The following TRANK1 variants were observed in gnomAD, a reference collection of about 807,000 sequenced individuals.
The protein encoded by TRANK1 is TPR and ankyrin repeat-containing protein 1.
Under a neutral mutation model 266.0 loss-of-function variants are expected in TRANK1, and 198 were observed. The observed-to-expected ratio is 0.74, with a 90% CI of 0.66 to 0.84. TRANK1 has a LOEUF of 0.84. TRANK1 is among the 40% of genes least tolerant of loss of function. The pLI is 0.00. For synonymous variants in TRANK1, 1,396 were observed against 1,384.1 expected, an observed-to-expected ratio of 1.01 and a Z score of -0.19; for missense variants, 3,326 against 3,634.6, an observed-to-expected ratio of 0.92 and a Z score of 2.18.
At chr3:36,910,845 G>A (rs536993903) in intron 1 of TRANK1, among the ~76,000 whole-genome samples, 8 of 151,264 alleles carry the variant, frequency 5.3e-5, no homozygotes, top group South Asian at 2.1e-4. Flanking sequence ...TGAGGCGGGC[G>A]GATCACCTGA....
intron 8 of TRANK1, among the ~76,000 whole-genome samples, chr3:36,879,860 A>ATATGTAAATATACAAG (rs1575250224): frequency 9.2e-6 from 1 of 108,390 alleles, no homozygotes; most frequent in East Asian, 3.6e-4. Context: ...AAATATACAA[A>ATATGTAAATATACAAG]TATATGTAAA....
In TRANK1 at chr3:36,944,911, A is replaced by G. The variant is rs1339730327; in HGVS notation, c.-102T>C. On this transcript the variant is annotated 5_prime_UTR_variant, in exon 1 of 24. Transcript: ENST00000645898. ...AGTGCGGAAGCCCGAAAGCTACCGG[A>G]GCCCGGGGCAGGGGCGGCGCGATGC... The G allele has an allele frequency of 3.2e-6, 4 of 1,240,710 alleles. No homozygotes were observed. The Admixed American group carries it at 1.6e-4, about 51-fold the overall frequency. The allele number at this position is 1,240,710 out of a possible 1,614,324, so 76.9% of individuals were successfully genotyped here.
chr3:36,905,999 T>C (rs555057211), intron 2 of TRANK1, among the ~76,000 whole-genome samples: 1 of 152,244 alleles, frequency 6.6e-6, no homozygotes, highest in Non-Finnish European at 1.5e-5. Context: ...CCAGTAGGGG[T>C]CACACAGTAA....
Position 36,857,144 on chromosome 3 carries a change from T to A in TRANK1, c.2578A>T (p.Ile860Phe). The change falls in exon 13 of 24, where the codon ATC becomes TTC. Residue 860 changes from isoleucine (I) to phenylalanine (F), a missense_variant. Physicochemically the swap from Ile to Phe is conservative, Grantham distance 21. Transcript: ENST00000645898. This position sits in a 1 kb window ranked among gnomAD's most constrained non-coding sequence, Gnocchi z 4.3. The stretch of plus-strand genomic sequence containing the variant: ...TTTCCCAGCTGCTGAATGGCAAGGA[T>A]GATTTTCTTCTTGATGACCTTGGTC... ...VMTKVIKKKIILAIQQLGNGE... is the reference protein window; with the variant it reads ...VMTKVIKKKIFLAIQQLGNGE... 1 of 1,613,972 alleles carries A rather than the reference T, an allele frequency of 6.2e-7. No individual in the cohort carries two copies. The highest frequency in any genetic ancestry group is 8.5e-7 in the Non-Finnish European group (1 of 1,179,890).
intron 8 of TRANK1, among the ~76,000 whole-genome samples, chr3:36,887,812 G>A (rs2079628734): frequency 6.6e-6 from 1 of 152,160 alleles, no homozygotes; most frequent in Non-Finnish European, 1.5e-5. Context: ...CTGTCTTTGA[G>A]AAGGGACTAA....
At chr3:36,898,136 A>G (rs1463125575) in intron 4 of TRANK1, among the ~76,000 whole-genome samples, 2 of 152,200 alleles carry the variant, frequency 1.3e-5, no homozygotes, top group Admixed American at 6.5e-5. Context: ...TTTTCTCAAT[A>G]GACTGGAAAA....
intron 4 of TRANK1, among the ~76,000 whole-genome samples, chr3:36,896,355 G>T (rs2079789322): frequency 1.3e-5 from 2 of 152,166 alleles, no homozygotes; most frequent in African/African-American, 4.8e-5. Flanking sequence ...TGTCCAAGGG[G>T]ACAGGTCAAG....
chr3:36,845,987 A>G (rs1226688423), intron 17 of TRANK1, among the ~76,000 whole-genome samples: 3 of 152,194 alleles, frequency 2.0e-5, no homozygotes, highest in Non-Finnish European at 2.9e-5. Flanking sequence ...AAAAGGGCCT[A>G]TTTCCTCTAG....
At chr3:36,937,559 G>A (rs2125669948) in intron 1 of TRANK1, among the ~76,000 whole-genome samples, 1 of 152,282 alleles carries the variant, frequency 6.6e-6, no homozygotes, top group South Asian at 2.1e-4. Context: ...AGATTATTGG[G>A]AAAATCAGAA....
chr3:36,829,800 A>G, intron 22 of TRANK1, 138 bp from the exon 23 acceptor site: 1 of 828,198 alleles, frequency 1.2e-6, no homozygotes, highest in Non-Finnish European at 1.9e-6. Context: ...TTATCGGGTA[A>G]GGGACCCAAA....
intron 1 of TRANK1, among the ~76,000 whole-genome samples, chr3:36,931,240 A>AC (rs952698016): frequency 4.0e-5 from 6 of 151,008 alleles, no homozygotes; most frequent in Admixed American, 2.0e-4. Flanking sequence ...AAAGTGCAGC[A>AC]CCCCCCCAAA....
intron 1 of TRANK1, among the ~76,000 whole-genome samples, chr3:36,919,320 C>T (rs564502980): frequency 5.8e-4 from 89 of 152,320 alleles, no homozygotes; most frequent in African/African-American, 2.0e-3. Context: ...CTAAACCCAC[C>T]TTCTTCACCA....
rs2078689608 is a variant in TRANK1, at chr3:36,831,279, C to G, written c.8304G>C (p.Gln2768His). The G allele has an allele frequency of 6.2e-7, 1 of 1,613,444 alleles. No individual in the cohort carries two copies. The highest frequency in any genetic ancestry group is 1.3e-5 in the African/African-American group (1 of 75,044). ...TAAACTTCACTCCACATAGGTCACA[C>G]TGGGTCCTGTCCACGTCTGCCTTTT... is the stretch of plus-strand genomic sequence containing the variant. ...NFKKADVDRT[Q>H]CDLCGVKFTR... The change falls in exon 22 of 24, where the codon CAG becomes CAC. Residue 2768 changes from glutamine to histidine, a missense_variant. Coordinates refer to ENST00000645898, the MANE Select transcript of TRANK1 (RefSeq NM_001329998.2). This position sits in a 1 kb window ranked among gnomAD's most constrained non-coding sequence, Gnocchi z 5.0.
intron 1 of TRANK1, among the ~76,000 whole-genome samples, chr3:36,933,679 A>G (rs564260737): frequency 4.0e-4 from 61 of 152,364 alleles, no homozygotes; most frequent in African/African-American, 1.4e-3. Flanking sequence ...GATATGGGCC[A>G]TGGTGATCCC....
chr3:36,914,913 C>T (rs2080104238), intron 1 of TRANK1, among the ~76,000 whole-genome samples: 1 of 152,028 alleles, frequency 6.6e-6, no homozygotes, highest in Non-Finnish European at 1.5e-5. Flanking sequence ...GCTGGGATTA[C>T]AGGCGTGAGC....
chr3:36,861,716 T>C (rs2079145089), intron 10 of TRANK1, among the ~76,000 whole-genome samples: 1 of 150,170 alleles, frequency 6.7e-6, no homozygotes, highest in African/African-American at 2.5e-5. Context: ...TTTTTTTTTT[T>C]TTTTTTTGAG....
In TRANK1 at chr3:36,828,199, C is replaced by T; in HGVS notation, c.*76G>A. On this transcript the variant is annotated 3_prime_UTR_variant, in exon 24 of 24. Transcript: ENST00000645898. ...AAATGCTAATTCACATTCTTTTTGT[C>T]TTCTGCCCCAGCGCTCAGAATTCTA... 1 of 1,079,126 alleles carries T rather than the reference C, an allele frequency of 9.3e-7. No homozygotes were observed. Among genetic ancestry groups the T allele is most frequent in the South Asian group, 1.4e-5 (1 of 72,968 alleles). 66.8% of individuals were successfully genotyped at this position (1,079,126 alleles called of 1,614,324 possible).
At chr3:36,930,516 T>C (rs1318667781) in intron 1 of TRANK1, among the ~76,000 whole-genome samples, 2 of 152,148 alleles carry the variant, frequency 1.3e-5, no homozygotes. Flanking sequence ...ACTAAGTTTG[T>C]GGTCATTCAT....
chr3:36,870,730 C>T lies in TRANK1; in HGVS notation c.1078+3396G>A, dbSNP rs138447157. ...GGTAAGCCAAATGGCAAGCTTGGAA[C>T]GATGCACAGTCCTCTCATGCATGCT... On this transcript the variant is annotated intron_variant, in intron 9 of 23. Coordinates refer to ENST00000645898, the MANE Select transcript of TRANK1 (RefSeq NM_001329998.2). 1.8e-4 allele frequency among the ~76,000 whole-genome samples: 27 copies of T among 152,168 alleles called. No homozygotes were observed. In the East Asian group the frequency reaches 2.1e-3, roughly 12 times the overall value.
Sources: allele counts gnomAD v4.1 joint callset (sites outside exome capture counted in the v4.1 genomes callset), GRCh38; gene constraint gnomAD v4.1.1; non-coding constraint Gnocchi (gnomAD v3.1); transcripts MANE v1.5; gene names NCBI Gene and HGNC (gene_info 2026-07-23, HGNC 2026-07-21).